Variants in ANK2 observed in about 807,000 individuals in gnomAD.
The protein encoded by ANK2 is ankyrin 2, also known as ankyrin-2.
Under a neutral mutation model 360.5 loss-of-function variants are expected in ANK2, and 83 were observed. That is an observed-to-expected ratio of 0.23 (90% CI 0.19 to 0.28). The LOEUF is 0.28. ANK2 is among the 10% of genes least tolerant of loss of function. The pLI is 1.00. For missense variants in ANK2, 4,201 were observed against 4,795.7 expected, an observed-to-expected ratio of 0.88 and a Z score of 3.66; for synonymous variants, 1,740 against 1,759.5, an observed-to-expected ratio of 0.99 and a Z score of 0.28.
chr4:113,292,812 A>G (rs1399033883), intron 21 of ANK2, among the ~76,000 whole-genome samples: 1 of 152,120 alleles, frequency 6.6e-6, no homozygotes, highest in African/African-American at 2.4e-5. Flanking sequence ...ATGTGAGCAC[A>G]AATTGACCCC....
At chr4:113,133,138 G>T (rs28540447) in intron 1 of ANK2, among the ~76,000 whole-genome samples, 2,553 of 152,268 alleles carry the variant, frequency 0.017, 77 homozygotes, top group African/African-American at 0.059. Context: ...ATAAGGACTT[G>T]TTCCTAAATG....
intron 1 of ANK2, among the ~76,000 whole-genome samples, chr4:112,864,780 A>G (rs532674787): frequency 2.0e-5 from 3 of 151,100 alleles, no homozygotes; most frequent in Non-Finnish European, 4.4e-5. Flanking sequence ...AGCCTGTAAT[A>G]CTAGCACTTT....
At chr4:113,311,190 A>G (rs1190645396) in intron 23 of ANK2, 65 bp from the exon 24 acceptor site, 1 of 1,600,782 alleles carries the variant, frequency 6.2e-7, no homozygotes, top group East Asian at 2.2e-5. Flanking sequence ...CACAATCATG[A>G]CCATATGTTG....
chr4:112,862,849 A>G (rs767840158), intron 1 of ANK2, among the ~76,000 whole-genome samples: 41 of 152,212 alleles, frequency 2.7e-4, no homozygotes, highest in Admixed American at 6.5e-4. Flanking sequence ...CAGGAGTTTG[A>G]GTCCAGCCTG....
chr4:113,359,073 T>C lies in ANK2; in HGVS notation c.10455T>C (p.Ala3485=). 2 of 1,614,064 alleles carry C rather than the reference T, an allele frequency of 1.2e-6. No homozygotes were observed. The highest frequency in any genetic ancestry group is 1.7e-6 in the Non-Finnish European group (2 of 1,179,948). The stretch of plus-strand genomic sequence containing the variant: ...TCTTTGAGGAGATTAGTGATGAGGC[T>C]TCCAAATTAGTGGATAGGCTGACAC... ...IEFFEEISDE[A]SKLVDRLTQS... The change falls in exon 38 of 46, where the codon GCT becomes GCC. Residue 3485 remains alanine, a synonymous_variant. Transcript: ENST00000357077.
chr4:113,193,116 A>G lies in ANK2; in HGVS notation c.187-3252A>G, dbSNP rs2098697282. 2.0e-5 allele frequency among the ~76,000 whole-genome samples: 3 copies of G among 152,264 alleles called. No individual in the cohort carries two copies. The South Asian group carries it at 6.2e-4, about 32-fold the overall frequency. ...GCCCTTTTTCACTATGAAATAATCG[A>G]TAACCTGAACAGCCAAATTCCAGAT... On this transcript the variant is annotated intron_variant, in intron 2 of 45. Transcript: ENST00000357077.
Position 113,232,135 on chromosome 4 carries a change from T to C in ANK2, c.385-26T>C, listed in dbSNP as rs924656792. 4.1e-6 allele frequency: 6 copies of C among 1,474,496 alleles called. No homozygotes were observed. In the Admixed American group the frequency reaches 8.4e-5, roughly 21 times the overall value. 91.3% of individuals were successfully genotyped at this position (1,474,496 alleles called of 1,614,324 possible). On this transcript the variant is annotated intron_variant, in intron 4 of 45. Transcript: ENST00000357077. ...TCTCTCTTATACAAATGATTGAAGG[T>C]GTCTTTTTTTATTGCTTGTCCTCAG...
chr4:113,252,099 G>A (rs2046777767), intron 10 of ANK2, among the ~76,000 whole-genome samples: 1 of 152,168 alleles, frequency 6.6e-6, no homozygotes, highest in Non-Finnish European at 1.5e-5. Flanking sequence ...CGAGGCTGAG[G>A]AGGCTTCACA....
chr4:112,932,128 G>A (rs929408781), intron 2 of ANK2, among the ~76,000 whole-genome samples: 1 of 152,114 alleles, frequency 6.6e-6, no homozygotes, highest in African/African-American at 2.4e-5. Context: ...AGGCTGAGAC[G>A]GGTGGATCAC....
intron 14 of ANK2, among the ~76,000 whole-genome samples, chr4:113,273,847 G>A (rs906267020): frequency 2.0e-5 from 3 of 152,122 alleles, no homozygotes; most frequent in Non-Finnish European, 4.4e-5. Context: ...CTTTTTGCCA[G>A]AGCCCCATTT....
chr4:113,303,735 C>T (rs1196093465), intron 23 of ANK2, among the ~76,000 whole-genome samples: 6 of 152,058 alleles, frequency 3.9e-5, no homozygotes, highest in African/African-American at 1.2e-4. Flanking sequence ...AAAAAAATCA[C>T]GCAACCAAGT....
the ANK2 span, among the ~76,000 whole-genome samples, chr4:112,736,464 CAA>C: frequency 0.15 from 19,454 of 127,556 alleles, 1,270 homozygotes; most frequent in African/African-American, 0.18. Flanking sequence ...GACTCCGTCT[CAA>C]AAAAAAAAAA....
At chr4:113,176,624 T>A (rs1162012522) in intron 2 of ANK2, among the ~76,000 whole-genome samples, 2 of 151,882 alleles carry the variant, frequency 1.3e-5, no homozygotes, top group East Asian at 3.8e-4. Flanking sequence ...TATTTTTATT[T>A]TATTTTATTT....
chr4:112,718,893 T>A, the ANK2 span, among the ~76,000 whole-genome samples: 1 of 152,136 alleles, frequency 6.6e-6, no homozygotes, highest in African/African-American at 2.4e-5. Context: ...CACCTCGGCC[T>A]CCCAAAGTAC....
intron 1 of ANK2, among the ~76,000 whole-genome samples, chr4:113,050,672 A>C (rs534364727): frequency 6.6e-6 from 1 of 152,172 alleles, no homozygotes; most frequent in Admixed American, 6.6e-5. Context: ...TTCTCCTAAA[A>C]TGCATTTATT....
At chr4:113,071,707 A>AC (rs1253395930) in intron 1 of ANK2, 11 of 152,490 alleles carry the variant, frequency 7.2e-5, no homozygotes, top group African/African-American at 2.7e-4. Flanking sequence ...TAAAATCTGC[A>AC]CCATAGGGCC....
At chr4:113,052,472 A>G (rs1198534090) in intron 1 of ANK2, among the ~76,000 whole-genome samples, 1 of 152,168 alleles carries the variant, frequency 6.6e-6, no homozygotes, top group African/African-American at 2.4e-5. Context: ...GATGGGCTGT[A>G]ATTTACTTGT....
At chr4:112,846,936 C>T (rs750367967) in intron 1 of ANK2, among the ~76,000 whole-genome samples, 7 of 152,146 alleles carry the variant, frequency 4.6e-5, no homozygotes, top group African/African-American at 9.7e-5. Flanking sequence ...ATCCAGGAAA[C>T]GAAGGTCAAG....
chr4:113,302,265 A>G (rs1291146395), intron 22 of ANK2, among the ~76,000 whole-genome samples: 2 of 152,246 alleles, frequency 1.3e-5, no homozygotes, highest in Non-Finnish European at 2.9e-5. Context: ...GAAATATTAA[A>G]GAGATGATTT....
Sources: gnomAD v4.1 joint callset for allele counts (sites outside exome capture counted in the v4.1 genomes callset) on GRCh38, gnomAD v4.1.1 for gene constraint, MANE v1.5 for transcripts, NCBI Gene and HGNC (gene_info 2026-07-23, HGNC 2026-07-21) for gene names.